Variants in NLGN1 observed in about 807,000 individuals in gnomAD.
The protein encoded by NLGN1 is neuroligin 1, also known as neuroligin-1.
NLGN1 carries 12 observed loss-of-function variants against 65.5 expected under a neutral mutation model. The observed-to-expected ratio is 0.18, with a 90% CI of 0.12 to 0.30. The LOEUF (loss-of-function observed/expected upper bound fraction) is 0.30, where lower values mean the gene tolerates loss of function less well. Among genes scored for constraint, NLGN1 ranks in the 10% least tolerant of loss-of-function variants. The probability of loss-of-function intolerance (pLI) is 1.00; values close to 1 mark genes in which losing one functional copy is unlikely to be tolerated. For missense variants in NLGN1, 750 were observed against 1,007.1 expected (o/e 0.74, Z 3.46); for synonymous variants, 350 against 359.5 (o/e 0.97, Z 0.30).
At chr3:174,101,331 A>T (rs972829220) in intron 4 of NLGN1, among the ~76,000 whole-genome samples, 7 of 152,154 alleles carry the variant, frequency 4.6e-5, no homozygotes, top group African/African-American at 1.4e-4. Flanking sequence ...GAGACGAAAA[A>T]TTGTATAAGG....
At chr3:174,267,855 G>C (rs1748577175) in intron 4 of NLGN1, among the ~76,000 whole-genome samples, 1 of 151,906 alleles carries the variant, frequency 6.6e-6, no homozygotes, top group Admixed American at 6.6e-5. Flanking sequence ...TGACTATCTG[G>C]GGACAATTAC....
intron 4 of NLGN1, among the ~76,000 whole-genome samples, chr3:174,024,581 A>G (rs904073750): frequency 1.3e-5 from 2 of 152,172 alleles, no homozygotes; most frequent in African/African-American, 4.8e-5. Context: ...GGCCCTCTGT[A>G]GAACTCATCC....
intron 4 of NLGN1, among the ~76,000 whole-genome samples, chr3:174,028,563 C>A: frequency 6.6e-6 from 1 of 152,132 alleles, no homozygotes; most frequent in Non-Finnish European, 1.5e-5. Flanking sequence ...CAAGAAGTGA[C>A]TTGGGTGCTG....
At chr3:173,853,739 A>C (rs994196954) in intron 4 of NLGN1, among the ~76,000 whole-genome samples, 1 of 152,066 alleles carries the variant, frequency 6.6e-6, no homozygotes, top group Non-Finnish European at 1.5e-5. Context: ...TTGACTATGT[A>C]TAAGCTTCAC....
intron 4 of NLGN1, among the ~76,000 whole-genome samples, chr3:173,900,291 T>C (rs943298256): frequency 2.8e-4 from 43 of 152,096 alleles, no homozygotes; most frequent in Admixed American, 8.5e-4. Flanking sequence ...CTTCCAATGA[T>C]TGGAATTAAC....
At chr3:174,009,082 A>G (rs1044609917) in intron 4 of NLGN1, among the ~76,000 whole-genome samples, 1 of 152,266 alleles carries the variant, frequency 6.6e-6, no homozygotes, top group African/African-American at 2.4e-5. Context: ...GGCATTGGCA[A>G]ACATGGTGTC....
At chr3:173,929,183 C>G (rs1579245243) in intron 4 of NLGN1, among the ~76,000 whole-genome samples, 1 of 152,104 alleles carries the variant, frequency 6.6e-6, no homozygotes. Flanking sequence ...GAAGTTCTTA[C>G]TTTTCCCTGA....
intron 4 of NLGN1, among the ~76,000 whole-genome samples, chr3:173,979,863 A>G (rs1409431596): frequency 1.3e-5 from 2 of 152,056 alleles, no homozygotes; most frequent in African/African-American, 4.8e-5. Flanking sequence ...AGTGTTTTAT[A>G]TATAAGAATA....
At chr3:174,163,095 A>G (rs1041654905) in intron 4 of NLGN1, among the ~76,000 whole-genome samples, 1 of 151,974 alleles carries the variant, frequency 6.6e-6, no homozygotes, top group African/African-American at 2.4e-5. Flanking sequence ...ATTTTCATTA[A>G]TAAGTACTGT....
intron 3 of NLGN1, among the ~76,000 whole-genome samples, chr3:173,678,561 G>T (rs969678128): frequency 6.6e-6 from 1 of 152,082 alleles, no homozygotes; most frequent in African/African-American, 2.4e-5. Flanking sequence ...CATCATGGAG[G>T]TTGCAAGGGT....
chr3:173,454,294 G>T (rs1470225472), intron 2 of NLGN1, among the ~76,000 whole-genome samples: 1 of 152,172 alleles, frequency 6.6e-6, no homozygotes. Flanking sequence ...ATTTCCATAA[G>T]GATAAATGAT....
At chr3:173,785,748 G>A (rs1038379678) in intron 3 of NLGN1, among the ~76,000 whole-genome samples, 4 of 151,964 alleles carry the variant, frequency 2.6e-5, no homozygotes, top group Non-Finnish European at 5.9e-5. Flanking sequence ...TCTATTTACA[G>A]TATTCTTACA....
intron 2 of NLGN1, among the ~76,000 whole-genome samples, chr3:173,533,665 G>A (rs1022640649): frequency 1.3e-5 from 2 of 152,000 alleles, no homozygotes; most frequent in South Asian, 2.1e-4. Flanking sequence ...ATACAATTAC[G>A]TATAGAAGCA....
chr3:173,694,411 T>G (rs1398248512), intron 3 of NLGN1, among the ~76,000 whole-genome samples: 2 of 152,166 alleles, frequency 1.3e-5, no homozygotes, highest in Non-Finnish European at 2.9e-5. Context: ...ATTTAATGTT[T>G]CATTATGTTT....
chr3:173,612,506 T>C (rs1472940639), intron 3 of NLGN1, among the ~76,000 whole-genome samples: 1 of 152,058 alleles, frequency 6.6e-6, no homozygotes, highest in Non-Finnish European at 1.5e-5. Context: ...GTCCTTGCTG[T>C]TCCTTGGCTT....
At chr3:173,948,911 T>C (rs1302165602) in intron 4 of NLGN1, among the ~76,000 whole-genome samples, 1 of 152,108 alleles carries the variant, frequency 6.6e-6, no homozygotes, top group African/African-American at 2.4e-5. Flanking sequence ...AAATTAATAA[T>C]ATATTTTAAA....
rs1306265623 is a variant in NLGN1, at chr3:174,240,550, G to A, written c.647-34765G>A. 2.0e-5 allele frequency among the ~76,000 whole-genome samples: 3 copies of A among 152,054 alleles called. No individual in the cohort carries two copies. The East Asian group carries it at 5.8e-4, about 29-fold the overall frequency. ...GGCCAGATAGGAAAAAAGTCCGTAA[G>A]AAAAAACAAAACCAACAATAGGATA... is the stretch of plus-strand genomic sequence containing the variant. On this transcript the variant is annotated intron_variant, in intron 4 of 6. Coordinates refer to ENST00000457714, the Ensembl canonical transcript of NLGN1.
intron 3 of NLGN1, among the ~76,000 whole-genome samples, chr3:173,728,041 G>T (rs1279662916): frequency 2.0e-5 from 3 of 151,978 alleles, no homozygotes; most frequent in Non-Finnish European, 4.4e-5. Context: ...GAACTGATAT[G>T]AAAAAAATAT....
At chr3:174,024,846 A>G (rs1199126713) in intron 4 of NLGN1, among the ~76,000 whole-genome samples, 3 of 152,170 alleles carry the variant, frequency 2.0e-5, no homozygotes, top group Non-Finnish European at 2.9e-5. Flanking sequence ...TAGTGATGCC[A>G]TTTGGGATTT....
Sources: gnomAD v4.1 joint callset for allele counts (sites outside exome capture counted in the v4.1 genomes callset) on GRCh38, gnomAD v4.1.1 for gene constraint, MANE v1.5 for transcripts, NCBI Gene and HGNC (gene_info 2026-07-23, HGNC 2026-07-21) for gene names.